RAPGEF6: variants seen among roughly 807,000 people sequenced by gnomAD.
RAPGEF6 encodes the protein Rap guanine nucleotide exchange factor 6.
In RAPGEF6, 56 loss-of-function variants were observed where a neutral mutation model predicts 171.4. That is an observed-to-expected ratio of 0.33 (90% CI 0.26 to 0.41). The LOEUF is 0.41. RAPGEF6 is among the 10% of genes least tolerant of loss of function. RAPGEF6 has a pLI of 1.00. For missense variants in RAPGEF6, 1,674 were observed against 1,921.4 expected, an observed-to-expected ratio of 0.87 and a Z score of 2.41; for synonymous variants, 692 against 650.1, an observed-to-expected ratio of 1.06 and a Z score of -0.98.
chr5:131,492,592 C>A lies in RAPGEF6; in HGVS notation c.1721G>T (p.Arg574Leu). ...GSKAADSGLK[R>L]GDQIMEVNGQ... is the part of the protein sequence containing the mutation. ...TGGTTATTTCCTTACCTGATCACCA[C>A]GTTTCAGTCCTGAATCAGCAGCTTT... Residue 574 changes from arginine to leucine, a missense_variant, in exon 14 of 28, where the codon CGT (arginine) becomes CTT (leucine). Arg to Leu is a moderately radical substitution (Grantham distance 102). Transcript: ENST00000509018. 1 of 1,614,140 alleles carries A rather than the reference C, an allele frequency of 6.2e-7. No homozygotes were observed. The highest frequency in any genetic ancestry group is 8.5e-7 in the Non-Finnish European group (1 of 1,179,992).
chr5:131,577,368 C>T (rs1762667762), intron 4 of RAPGEF6, among the ~76,000 whole-genome samples: 1 of 152,174 alleles, frequency 6.6e-6, no homozygotes, highest in Non-Finnish European at 1.5e-5. Flanking sequence ...TGTACTTTTA[C>T]CATTTGCCCT....
chr5:131,507,139 A>C (rs1488513611), intron 9 of RAPGEF6, among the ~76,000 whole-genome samples: 1 of 147,290 alleles, frequency 6.8e-6, no homozygotes, highest in Non-Finnish European at 1.5e-5. Context: ...GGTTATGTCC[A>C]ATTTTTACTT....
chr5:131,577,990 A>G (rs1340523007), intron 4 of RAPGEF6, among the ~76,000 whole-genome samples: 1 of 151,774 alleles, frequency 6.6e-6, no homozygotes, highest in Non-Finnish European at 1.5e-5. Context: ...GTCTAGTTAT[A>G]CTCCTATTCA....
At chr5:131,439,866 G>C (rs1195673911) in intron 23 of RAPGEF6, 151 bp from the exon 24 acceptor site, 1 of 1,330,516 alleles carries the variant, frequency 7.5e-7, no homozygotes, top group Non-Finnish European at 1.0e-6. Context: ...TAAATGACTG[G>C]GTAATGGCAT....
chr5:131,500,615 G>A, intron 11 of RAPGEF6, among the ~76,000 whole-genome samples: 1 of 152,050 alleles, frequency 6.6e-6, no homozygotes, highest in East Asian at 1.9e-4. Context: ...AATATATTAT[G>A]CAATTTTATA....
intron 6 of RAPGEF6, among the ~76,000 whole-genome samples, chr5:131,536,286 C>T (rs1216790583): frequency 6.6e-6 from 1 of 152,066 alleles, no homozygotes; most frequent in Non-Finnish European, 1.5e-5. Context: ...AGGATCATAA[C>T]AATCTTTTCC....
intron 6 of RAPGEF6, among the ~76,000 whole-genome samples, chr5:131,528,000 G>T (rs2149918717): frequency 1.4e-5 from 2 of 145,024 alleles, no homozygotes; most frequent in South Asian, 4.3e-4. Context: ...GGGGGACAGA[G>T]TGAGACTCCG....
intron 21 of RAPGEF6, among the ~76,000 whole-genome samples, chr5:131,449,867 C>T (rs1752948228): frequency 6.6e-6 from 1 of 152,194 alleles, no homozygotes; most frequent in Admixed American, 6.5e-5. Flanking sequence ...TCTATCACTA[C>T]TTTCACCTTG....
chr5:131,519,659 C>CT (rs1267512356), intron 7 of RAPGEF6, among the ~76,000 whole-genome samples: 20 of 151,896 alleles, frequency 1.3e-4, no homozygotes, highest in Non-Finnish European at 2.9e-4. Context: ...GCCTAGGCCT[C>CT]CCATCCTATA....
intron 1 of RAPGEF6, among the ~76,000 whole-genome samples, chr5:131,618,495 G>A (rs149384159): frequency 1.1e-4 from 17 of 152,012 alleles, no homozygotes; most frequent in East Asian, 9.7e-4. Context: ...AAAATTAGCC[G>A]GGTGTGATGG....
At position 131,458,360 on chromosome 5, in the gene RAPGEF6, G is replaced by A. The variant is rs538401129; in HGVS notation, c.2865-2348C>T. Among the ~76,000 whole-genome samples, 5 of 152,220 alleles carry A rather than the reference G, an allele frequency of 3.3e-5. No homozygotes were observed. The South Asian group carries it at 8.3e-4, about 25-fold the overall frequency. ...CTCTCTCTGCTGCCATGTAAGACAC[G>A]CCATGTTTGCCCTTCGCCTTCCACT... On this transcript the variant is annotated intron_variant, in intron 19 of 27. Transcript: ENST00000509018.
rs1561571217 is a variant in RAPGEF6 at position 131,570,684 on chromosome 5, G to GA, written c.282-8638dup. Reference sequence around the variant, plus strand: ...ACATTATGCTAAATGAAAAAAACTAGATTAAAAAACTATACAACATATTCC... The same window carrying GA: ...ACATTATGCTAAATGAAAAAAACTAGAATTAAAAAACTATACAACATATTCC... On this transcript the variant is annotated intron_variant, in intron 4 of 27. Coordinates refer to ENST00000509018, the MANE Select transcript of RAPGEF6 (RefSeq NM_016340.6). Among the ~76,000 whole-genome samples, 4 of 152,090 alleles carry GA rather than the reference G, an allele frequency of 2.6e-5. No individual in the cohort carries two copies. In the South Asian group the frequency reaches 8.3e-4, roughly 32 times the overall value.
intron 6 of RAPGEF6, chr5:131,532,994 C>T (rs767850017): frequency 6.6e-6 from 1 of 152,564 alleles, no homozygotes; most frequent in Non-Finnish European, 1.5e-5. Flanking sequence ...GGAGAAGCTC[C>T]TATTGATTCT....
At chr5:131,458,508 A>G (rs1330972765) in intron 19 of RAPGEF6, among the ~76,000 whole-genome samples, 1 of 152,232 alleles carries the variant, frequency 6.6e-6, no homozygotes, top group Non-Finnish European at 1.5e-5. Context: ...CAGACTAATA[A>G]AACAACTCCA....
At chr5:131,571,023 C>G (rs1762249565) in intron 4 of RAPGEF6, among the ~76,000 whole-genome samples, 1 of 150,390 alleles carries the variant, frequency 6.6e-6, no homozygotes, top group Non-Finnish European at 1.5e-5. Context: ...CCACTCACTG[C>G]AACCTCCGCC....
Position 131,424,789 on chromosome 5 carries a change from A to T in RAPGEF6, c.*2477T>A, listed in dbSNP as rs1580806231. Reference sequence around the variant, plus strand: ...TAAAGATATTTTGTTGAAACTTACTATTTGGCAAAAGTTTGCACTGAGCGT... The same window carrying T: ...TAAAGATATTTTGTTGAAACTTACTTTTTGGCAAAAGTTTGCACTGAGCGT... On this transcript the variant is annotated 3_prime_UTR_variant, in exon 28 of 28. Coordinates refer to ENST00000509018, the MANE Select transcript of RAPGEF6 (RefSeq NM_016340.6). 6.6e-6 allele frequency: 1 copy of T among 152,418 alleles called. No homozygotes were observed. Among genetic ancestry groups the T allele is most frequent in the Non-Finnish European group, 1.5e-5 (1 of 68,020 alleles). The allele number at this position is 152,418 out of a possible 1,614,324, so 9.4% of individuals were successfully genotyped here.
At chr5:131,536,246 T>C (rs1264963861) in intron 6 of RAPGEF6, among the ~76,000 whole-genome samples, 2 of 152,166 alleles carry the variant, frequency 1.3e-5, no homozygotes, top group African/African-American at 4.8e-5. Context: ...ATGACTGAAA[T>C]GATCATAGGT....
chr5:131,477,052 A>G (rs1361091036), intron 16 of RAPGEF6, among the ~76,000 whole-genome samples: 1 of 152,062 alleles, frequency 6.6e-6, no homozygotes, highest in African/African-American at 2.4e-5. Context: ...TTTCCATTGA[A>G]GTTTTAGTGA....
Position 131,456,031 on chromosome 5 carries a change from GA to G in RAPGEF6, c.2865-20del. 6.2e-7 allele frequency: 1 copy of G among 1,605,874 alleles called. No individual in the cohort carries two copies. The highest frequency in any genetic ancestry group is 2.2e-5 in the East Asian group (1 of 44,776). On this transcript the variant is annotated intron_variant, in intron 19 of 27. Transcript: ENST00000509018. ...CAAGCCACTGCCAAAGATGAGAATA[GA>G]AACATTAAAAAGAAACTTGGGGAAA...
Sources: allele counts gnomAD v4.1 joint callset (sites outside exome capture counted in the v4.1 genomes callset), GRCh38; gene constraint gnomAD v4.1.1; transcripts MANE v1.5; gene names NCBI Gene and HGNC (gene_info 2026-07-23, HGNC 2026-07-21).